The following ARB2A variants were observed in gnomAD, a reference collection of about 807,000 sequenced individuals.
ARB2A encodes ARB2 cotranscriptional regulator A.
At chr5:93,763,684 G>A in the ARB2A span, among the ~76,000 whole-genome samples, 2 of 152,144 alleles carry the variant, frequency 1.3e-5, no homozygotes, top group Non-Finnish European at 2.9e-5. Context: ...ACTCAGCTCT[G>A]CAACAAGCAG....
At chr5:93,658,583 A>T in the ARB2A span, among the ~76,000 whole-genome samples, 3 of 152,216 alleles carry the variant, frequency 2.0e-5, no homozygotes, top group East Asian at 3.9e-4. Context: ...TTATATTCTA[A>T]TGGGGAAAGT....
chr5:93,754,855 T>C, the ARB2A span, among the ~76,000 whole-genome samples: 547 of 152,356 alleles, frequency 3.6e-3, 1 homozygote, highest in Non-Finnish European at 6.0e-3. Flanking sequence ...TTCCTTTTAA[T>C]TTCTTCACTA....
At chr5:93,620,914 C>T in the ARB2A span, 2 of 1,463,410 alleles carry the variant, frequency 1.4e-6, no homozygotes, top group Non-Finnish European at 1.9e-6. Context: ...GCTGGGAGTC[C>T]GCTCGACACA....
chr5:93,860,329 A>T, the ARB2A span, among the ~76,000 whole-genome samples: 1 of 152,082 alleles, frequency 6.6e-6, no homozygotes, highest in East Asian at 1.9e-4. Context: ...AATAGCAAAA[A>T]CATTAGAAAG....
the ARB2A span, among the ~76,000 whole-genome samples, chr5:94,053,970 T>C: frequency 2.0e-5 from 3 of 152,156 alleles, no homozygotes; most frequent in Non-Finnish European, 4.4e-5. Flanking sequence ...GGTTTCACCA[T>C]GTTGCCCAGG....
chr5:93,934,927 C>G, the ARB2A span, among the ~76,000 whole-genome samples: 8 of 152,148 alleles, frequency 5.3e-5, no homozygotes, highest in Non-Finnish European at 4.4e-5. Flanking sequence ...GCATTTGCAG[C>G]AACCTGGATG....
the ARB2A span, among the ~76,000 whole-genome samples, chr5:94,004,308 T>C: frequency 6.6e-6 from 1 of 152,126 alleles, no homozygotes; most frequent in African/African-American, 2.4e-5. Flanking sequence ...AAACAACTGA[T>C]ACATTAGACT....
the ARB2A span, among the ~76,000 whole-genome samples, chr5:94,084,838 A>G: frequency 6.6e-6 from 1 of 152,198 alleles, no homozygotes. Context: ...GAAATAAATT[A>G]GATACCTATC....
At chr5:93,831,820 T>C in the ARB2A span, among the ~76,000 whole-genome samples, 1 of 152,148 alleles carries the variant, frequency 6.6e-6, no homozygotes, top group African/African-American at 2.4e-5. Context: ...ATAATATCTG[T>C]TAATGGCCTG....
At chr5:93,754,167 G>A in the ARB2A span, among the ~76,000 whole-genome samples, 2 of 152,202 alleles carry the variant, frequency 1.3e-5, no homozygotes, top group African/African-American at 4.8e-5. Flanking sequence ...GGTAAAACAA[G>A]TCTCAAAATT....
chr5:93,834,065 T>A, the ARB2A span, among the ~76,000 whole-genome samples: 1 of 152,192 alleles, frequency 6.6e-6, no homozygotes, highest in Non-Finnish European at 1.5e-5. Flanking sequence ...TAGGTCCCAT[T>A]TGACACAAAA....
the ARB2A span, among the ~76,000 whole-genome samples, chr5:93,835,939 G>T: frequency 6.6e-6 from 1 of 152,314 alleles, no homozygotes. Flanking sequence ...CCAAATGGAA[G>T]GTAGATAGTC....
the ARB2A span, among the ~76,000 whole-genome samples, chr5:93,750,660 A>C: frequency 6.6e-6 from 1 of 152,126 alleles, no homozygotes; most frequent in Non-Finnish European, 1.5e-5. Flanking sequence ...TAGCTGAGAC[A>C]GGCATGCTCC....
At chr5:93,943,450 A>G in the ARB2A span, among the ~76,000 whole-genome samples, 1 of 152,152 alleles carries the variant, frequency 6.6e-6, no homozygotes, top group Non-Finnish European at 1.5e-5. Flanking sequence ...GCCCTTAAAC[A>G]AGAATCTTTT....
chr5:93,818,573 T>C, the ARB2A span, among the ~76,000 whole-genome samples: 1 of 152,224 alleles, frequency 6.6e-6, no homozygotes, highest in Non-Finnish European at 1.5e-5. Context: ...GAAAGTTTTC[T>C]AGACTTATTT....
chr5:93,892,586 G>C, the ARB2A span, among the ~76,000 whole-genome samples: 1 of 149,830 alleles, frequency 6.7e-6, no homozygotes, highest in East Asian at 2.0e-4. Context: ...TACTACCTCT[G>C]GGGGGGGGAA....
At chr5:93,728,703 G>A in the ARB2A span, among the ~76,000 whole-genome samples, 1 of 151,976 alleles carries the variant, frequency 6.6e-6, no homozygotes, top group South Asian at 2.1e-4. Context: ...GTTCCTGGAA[G>A]AAAGGCCGTT....
chr5:93,870,823 T>C, the ARB2A span, among the ~76,000 whole-genome samples: 3 of 152,348 alleles, frequency 2.0e-5, no homozygotes, highest in East Asian at 3.9e-4. Context: ...TCCATGAGTA[T>C]ATATCTGTTT....
chr5:94,065,591 T>A, the ARB2A span, among the ~76,000 whole-genome samples: 1 of 152,062 alleles, frequency 6.6e-6, no homozygotes, highest in Non-Finnish European at 1.5e-5. Context: ...TTATATCAGA[T>A]AAAGCAGAAT....
Sources: allele counts gnomAD v4.1 joint callset (sites outside exome capture counted in the v4.1 genomes callset), GRCh38; gene constraint gnomAD v4.1.1; transcripts MANE v1.5; gene names NCBI Gene and HGNC (gene_info 2026-07-23, HGNC 2026-07-21).